Variants in EPS8 observed in about 807,000 individuals in gnomAD.
The protein encoded by EPS8 is epidermal growth factor receptor kinase substrate 8.
EPS8 carries 42 observed loss-of-function variants against 103.8 expected under a neutral mutation model. The observed-to-expected ratio is 0.40, with a 90% CI of 0.32 to 0.52. The LOEUF (loss-of-function observed/expected upper bound fraction) is 0.52. Ranked by LOEUF, EPS8 falls within the 20% of genes least tolerant of loss-of-function variation. The probability of loss-of-function intolerance (pLI) is 0.40; values close to 1 mark genes in which losing one functional copy is unlikely to be tolerated. For synonymous variants in EPS8, 344 were observed against 344.6 expected, an observed-to-expected ratio of 1.00 and a Z score of 0.02; for missense variants, 969 against 1,005.1, an observed-to-expected ratio of 0.96 and a Z score of 0.49.
rs1946537546 is a variant in EPS8, at chr12:15,716,780, G to A, written c.-21-33808C>T. Among the ~76,000 whole-genome samples the A allele has an allele frequency of 6.6e-6, 1 of 152,122 alleles. No homozygotes were observed. Among genetic ancestry groups the A allele is most frequent in the Admixed American group, 6.5e-5 (1 of 15,274 alleles). On this transcript the variant is annotated intron_variant, in intron 1 of 20. Coordinates refer to ENST00000281172, the MANE Select transcript of EPS8 (RefSeq NM_004447.6). The surrounding 1 kb of genome is among the most constrained non-coding windows in gnomAD (Gnocchi z 5.0). ...TGAGGTCACTTACATAAATTGTTAG[G>A]ACAACCAAGCAGAATCGATCAACAA...
chr12:15,665,693 A>G, intron 8 of EPS8, 63 bp downstream of exon 8: 1 of 1,576,042 alleles, frequency 6.3e-7, no homozygotes, highest in Non-Finnish European at 8.7e-7. Context: ...AGAATTTGAA[A>G]GCAAGAACTA....
At chr12:15,682,122 G>A (rs574171325) in intron 2 of EPS8, among the ~76,000 whole-genome samples, 2 of 152,280 alleles carry the variant, frequency 1.3e-5, no homozygotes, top group East Asian at 3.9e-4. Flanking sequence ...TAAACAGGCA[G>A]AGAATCAAGT....
rs537807748 is a variant in EPS8 at position 15,717,492 on chromosome 12, C to T, written c.-21-34520G>A. 6.6e-6 allele frequency among the ~76,000 whole-genome samples: 1 copy of T among 152,206 alleles called. No individual in the cohort carries two copies. Among genetic ancestry groups the T allele is most frequent in the South Asian group, 2.1e-4 (1 of 4,818 alleles). On this transcript the variant is annotated intron_variant, in intron 1 of 20. Transcript: ENST00000281172. This position sits in a 1 kb window ranked among gnomAD's most constrained non-coding sequence, Gnocchi z 4.3. The stretch of plus-strand genomic sequence containing the variant: ...ATCCCAGCTACTTGGGAGGCTGAGG[C>T]AGCAGAATTGCTTAAGCCCCGGAGG...
chr12:15,699,019 C>A (rs923091148), intron 1 of EPS8, among the ~76,000 whole-genome samples: 1 of 152,154 alleles, frequency 6.6e-6, no homozygotes, highest in Admixed American at 6.5e-5. Context: ...TGATCCACAG[C>A]ATGGCTCACC....
In EPS8 at chr12:15,764,560, T is replaced by C. The variant is rs971297462; in HGVS notation, c.-22+24601A>G. 5.3e-5 allele frequency among the ~76,000 whole-genome samples: 8 copies of C among 152,210 alleles called. No homozygotes were observed. The highest frequency in any genetic ancestry group is 1.9e-4 in the African/African-American group (8 of 41,462). On this transcript the variant is annotated intron_variant, in intron 1 of 20. Coordinates refer to ENST00000281172, the MANE Select transcript of EPS8 (RefSeq NM_004447.6). The surrounding 1 kb of genome is among the most constrained non-coding windows in gnomAD (Gnocchi z 4.1). ...AAGAACTTTTCTCTCTCTAAATCTA[T>C]GACTATACAACCTAAAGATTTTATT... is the stretch of plus-strand genomic sequence containing the variant.
chr12:15,654,399 T>A lies in EPS8; in HGVS notation c.1102-106A>T, dbSNP rs991365818. 68 of 980,766 alleles carry A rather than the reference T, an allele frequency of 6.9e-5. No homozygotes were observed. In the Admixed American group the frequency reaches 1.4e-3, roughly 20 times the overall value. The allele number at this position is 980,766 out of a possible 1,614,324, so 60.8% of individuals were successfully genotyped here. Reference sequence around the variant, plus strand: ...AAAAACAAGCACTACTTTTTAATAGTCATATTAACTTTTGATGCTGTGCAA... The same window carrying A: ...AAAAACAAGCACTACTTTTTAATAGACATATTAACTTTTGATGCTGTGCAA... On this transcript the variant is annotated intron_variant, in intron 12 of 20. Transcript: ENST00000281172.
chr12:15,669,279 A>C, intron 6 of EPS8, 108 bp downstream of exon 6: 1 of 956,262 alleles, frequency 1.0e-6, no homozygotes, highest in Non-Finnish European at 1.5e-6. Flanking sequence ...GATGCTCAGA[A>C]ACTAAAAATC....
At chr12:15,661,188 T>C (rs778463574) in intron 9 of EPS8, among the ~76,000 whole-genome samples, 2 of 152,196 alleles carry the variant, frequency 1.3e-5, no homozygotes, top group East Asian at 1.9e-4. Flanking sequence ...TCTAGGATAC[T>C]AAGCATTAAT....
intron 13 of EPS8, among the ~76,000 whole-genome samples, chr12:15,653,817 ATGTGTG>A (rs1321475093): frequency 6.6e-6 from 1 of 152,180 alleles, no homozygotes. Context: ...GCGCATGTGT[ATGTGTG>A]TGTGAACCCT....
At position 15,697,055 on chromosome 12, in the gene EPS8, C is replaced by G. The variant is rs1946252964; in HGVS notation, c.-21-14083G>C. ...GTAAGGCCAGCATTTGCATTTCTTTCTTTCTATTCCCACAGTTCCCATCTC... is the reference window on the plus strand; with the variant it reads ...GTAAGGCCAGCATTTGCATTTCTTTGTTTCTATTCCCACAGTTCCCATCTC... On this transcript the variant is annotated intron_variant, in intron 1 of 20. Coordinates refer to ENST00000281172, the MANE Select transcript of EPS8 (RefSeq NM_004447.6). This position sits in a 1 kb window ranked among gnomAD's most constrained non-coding sequence, Gnocchi z 5.6. Among the ~76,000 whole-genome samples the G allele has an allele frequency of 6.6e-6, 1 of 152,146 alleles. No individual in the cohort carries two copies. Among genetic ancestry groups the G allele is most frequent in the South Asian group, 2.1e-4 (1 of 4,820 alleles).
rs1947237388 is a variant in EPS8, at chr12:15,779,328, C to G, written c.-22+9833G>C. 6.6e-6 allele frequency among the ~76,000 whole-genome samples: 1 copy of G among 152,346 alleles called. No homozygotes were observed. The highest frequency in any genetic ancestry group is 6.5e-5 in the Admixed American group (1 of 15,298). ...AAGCAGTTAAAAGTATCTTCTATCTCTATCATCAAAAGTATATCTTTCTTT... is the reference window on the plus strand; with the variant it reads ...AAGCAGTTAAAAGTATCTTCTATCTGTATCATCAAAAGTATATCTTTCTTT... On this transcript the variant is annotated intron_variant, in intron 1 of 20. Transcript: ENST00000281172. The surrounding 1 kb of genome is among the most constrained non-coding windows in gnomAD (Gnocchi z 4.3).
intron 1 of EPS8, among the ~76,000 whole-genome samples, chr12:15,689,640 A>C (rs999317791): frequency 6.6e-6 from 1 of 152,202 alleles, no homozygotes; most frequent in African/African-American, 2.4e-5. Context: ...CTTTGTGGTA[A>C]GAACATTTAA....
intron 1 of EPS8, among the ~76,000 whole-genome samples, chr12:15,786,291 A>C (rs1591943242): frequency 1.3e-5 from 2 of 152,070 alleles, no homozygotes; most frequent in African/African-American, 2.4e-5. Context: ...CAGTCTAATC[A>C]TGAGAAAAAA....
Position 15,667,915 on chromosome 12 carries a change from GC to G in EPS8, c.517-1394del, listed in dbSNP as rs1340779151. On this transcript the variant is annotated intron_variant, in intron 6 of 20. Coordinates refer to ENST00000281172, the MANE Select transcript of EPS8 (RefSeq NM_004447.6). ...TACCATTCCATATCAAGTAAAGCAA[GC>G]CATTTGTTCCCAAACCTAAAATCCA... Among the ~76,000 whole-genome samples the G allele has an allele frequency of 2.0e-5, 3 of 152,136 alleles. No individual in the cohort carries two copies. In the East Asian group the frequency reaches 5.8e-4, roughly 29 times the overall value.
chr12:15,766,307 G>A (rs1237478538), intron 1 of EPS8, among the ~76,000 whole-genome samples: 4 of 150,972 alleles, frequency 2.6e-5, no homozygotes, highest in Non-Finnish European at 4.4e-5. Context: ...GTGAAACCCC[G>A]TCTCTACTAA....
chr12:15,723,071 C>T (rs1366691934), intron 1 of EPS8, among the ~76,000 whole-genome samples: 1 of 151,306 alleles, frequency 6.6e-6, no homozygotes, highest in Non-Finnish European at 1.5e-5. Context: ...TGTCTATAAT[C>T]CCAGAACTGT....
rs1946064539 is a variant in EPS8 at position 15,684,598 on chromosome 12, T to C, written c.-21-1626A>G. Among the ~76,000 whole-genome samples, 1 of 152,144 alleles carries C rather than the reference T, an allele frequency of 6.6e-6. No individual in the cohort carries two copies. Among genetic ancestry groups the C allele is most frequent in the Non-Finnish European group, 1.5e-5 (1 of 68,030 alleles). On this transcript the variant is annotated intron_variant, in intron 1 of 20. Transcript: ENST00000281172. The surrounding 1 kb of genome is among the most constrained non-coding windows in gnomAD (Gnocchi z 4.9). ...TTCTTAGGGAAACAAAGTTAATTCA[T>C]GTAAAACAAATAGTAAGGAATTAAG...
intron 3 of EPS8, 40 bp from the exon 4 acceptor site, chr12:15,670,963 T>C (rs750241085): frequency 3.5e-6 from 5 of 1,445,502 alleles, no homozygotes; most frequent in East Asian, 4.6e-5. Context: ...TGTCCCCTAA[T>C]AGACTGAAGT....
At position 15,772,801 on chromosome 12, in the gene EPS8, T is replaced by C. The variant is rs182278882; in HGVS notation, c.-22+16360A>G. Among the ~76,000 whole-genome samples the C allele has an allele frequency of 1.2e-4, 18 of 152,176 alleles. No homozygotes were observed. Among genetic ancestry groups the C allele is most frequent in the Admixed American group, 9.8e-4 (15 of 15,280 alleles). ...TTATTTAAAAGAAGGCAAAAATCAT[T>C]ACAAACATACATTCATTCAGCAAAT... On this transcript the variant is annotated intron_variant, in intron 1 of 20. Transcript: ENST00000281172. This position sits in a 1 kb window ranked among gnomAD's most constrained non-coding sequence, Gnocchi z 5.0.
Sources: gnomAD v4.1 joint callset for allele counts (sites outside exome capture counted in the v4.1 genomes callset) on GRCh38, gnomAD v4.1.1 for gene constraint, Gnocchi (gnomAD v3.1) non-coding constraint, MANE v1.5 for transcripts, NCBI Gene and HGNC (gene_info 2026-07-23, HGNC 2026-07-21) for gene names.